NEGR1: variants seen among roughly 807,000 people sequenced by gnomAD.
NEGR1 encodes the protein neuronal growth regulator 1.
In NEGR1, 10 loss-of-function variants were observed where a neutral mutation model predicts 40.9. That is an observed-to-expected ratio of 0.24 (90% CI 0.15 to 0.42). NEGR1 has a LOEUF of 0.42. Ranked by LOEUF, NEGR1 falls within the 10% of genes least tolerant of loss-of-function variation. The probability of loss-of-function intolerance (pLI) is 1.00; values close to 1 mark genes in which losing one functional copy is unlikely to be tolerated. For synonymous variants in NEGR1, 185 were observed against 166.8 expected (o/e 1.11, Z -0.84); for missense variants, 352 against 438.9 (o/e 0.80, Z 1.77).
chr1:71,840,931 C>G (rs1659214396), intron 2 of NEGR1, among the ~76,000 whole-genome samples: 2 of 152,182 alleles, frequency 1.3e-5, no homozygotes, highest in Non-Finnish European at 2.9e-5. Context: ...CAAGAGAGAA[C>G]TCATGGCGAG....
In NEGR1 at chr1:71,464,408, C is replaced by T. The variant is rs994955671; in HGVS notation, c.941-56838G>A. Among the ~76,000 whole-genome samples, 6 of 25,510 alleles carry T rather than the reference C, an allele frequency of 2.4e-4. No homozygotes were observed. In the Admixed American group the frequency reaches 2.5e-3, roughly 11 times the overall value. The allele number at this position is 25,510 out of a possible 152,430, so 16.7% of individuals were successfully genotyped here. ...AAAGTAAAGATAACTAGAGAACATC[C>T]ATCAAATGACAGTTATGAGAAAGAT... On this transcript the variant is annotated intron_variant, in intron 6 of 6. Coordinates refer to ENST00000357731, the MANE Select transcript of NEGR1 (RefSeq NM_173808.3).
At position 71,868,436 on chromosome 1, in the gene NEGR1, A is replaced by AAGATAGATAGATAGAT. The variant is rs59923029; in HGVS notation, c.409+66627_409+66642dup. ...CTTAAATTAAATAGATAGATGATAG[A>AAGATAGATAGATAGAT]AGATAGATAGATAGATAGATAGATA... On this transcript the variant is annotated intron_variant, in intron 2 of 6. Coordinates refer to ENST00000357731, the MANE Select transcript of NEGR1 (RefSeq NM_173808.3). Among the ~76,000 whole-genome samples the AAGATAGATAGATAGAT allele has an allele frequency of 3.6e-3, 540 of 149,890 alleles. 6 individuals are homozygous for AAGATAGATAGATAGAT. The highest frequency in any genetic ancestry group is 0.029 in the South Asian group (137 of 4,666).
At chr1:71,859,736 G>T (rs1659888200) in intron 2 of NEGR1, among the ~76,000 whole-genome samples, 1 of 151,968 alleles carries the variant, frequency 6.6e-6, no homozygotes, top group Non-Finnish European at 1.5e-5. Flanking sequence ...GGGGATGTCA[G>T]CTCCGCTATC....
intron 2 of NEGR1, among the ~76,000 whole-genome samples, chr1:71,826,980 C>T (rs1203661165): frequency 6.6e-6 from 1 of 151,748 alleles, no homozygotes; most frequent in African/African-American, 2.4e-5. Context: ...AAGGTGAAAA[C>T]AACTAGTGTT....
chr1:71,951,734 CA>C (rs1196272280), intron 1 of NEGR1, among the ~76,000 whole-genome samples: 1 of 151,848 alleles, frequency 6.6e-6, no homozygotes, highest in East Asian at 1.9e-4. Flanking sequence ...CTGCTTTTTA[CA>C]AGGTTAAGCT....
intron 4 of NEGR1, among the ~76,000 whole-genome samples, chr1:71,654,140 G>C (rs1410170823): frequency 1.3e-5 from 2 of 152,126 alleles, no homozygotes; most frequent in Non-Finnish European, 2.9e-5. Flanking sequence ...AGAACTTCTG[G>C]AAAAGGATAA....
intron 6 of NEGR1, chr1:71,408,555 T>A (rs1646294891): frequency 1.3e-5 from 2 of 151,992 alleles, no homozygotes; most frequent in Non-Finnish European, 2.9e-5. Flanking sequence ...GGGTTTCACT[T>A]TGTTTATGAA....
intron 2 of NEGR1, among the ~76,000 whole-genome samples, chr1:71,826,756 A>G (rs1271554701): frequency 6.6e-6 from 1 of 151,960 alleles, no homozygotes; most frequent in Non-Finnish European, 1.5e-5. Context: ...TTAAATTTTC[A>G]CTTACTGACA....
intron 2 of NEGR1, among the ~76,000 whole-genome samples, chr1:71,920,157 G>T (rs1003129939): frequency 1.3e-5 from 2 of 152,146 alleles, no homozygotes; most frequent in African/African-American, 4.8e-5. Context: ...CTGTACATTT[G>T]AGTATCTCTT....
chr1:72,096,716 C>A (rs1648713511), intron 1 of NEGR1, among the ~76,000 whole-genome samples: 1 of 151,846 alleles, frequency 6.6e-6, no homozygotes, highest in African/African-American at 2.4e-5. Context: ...GGCTGGAGTG[C>A]AGTGGTGCGA....
intron 1 of NEGR1, among the ~76,000 whole-genome samples, chr1:72,050,271 GCTCA>G (rs1434777419): frequency 6.6e-6 from 1 of 151,432 alleles, no homozygotes; most frequent in African/African-American, 2.4e-5. Context: ...ATAGTTATAT[GCTCA>G]CTGTTATTGA....
At chr1:72,120,613 A>T (rs1222886499) in intron 1 of NEGR1, among the ~76,000 whole-genome samples, 2 of 151,712 alleles carry the variant, frequency 1.3e-5, no homozygotes, top group Non-Finnish European at 2.9e-5. Context: ...GCACCCACTA[A>T]CTCGTCATCT....
At chr1:71,654,104 A>G (rs1434675208) in intron 4 of NEGR1, among the ~76,000 whole-genome samples, 1 of 152,164 alleles carries the variant, frequency 6.6e-6, no homozygotes, top group Non-Finnish European at 1.5e-5. Flanking sequence ...AAGGCTACAT[A>G]CTGTTATGAT....
intron 6 of NEGR1, among the ~76,000 whole-genome samples, chr1:71,506,175 A>G (rs1393797410): frequency 6.6e-6 from 1 of 152,168 alleles, no homozygotes; most frequent in Non-Finnish European, 1.5e-5. Flanking sequence ...TCAAATTACT[A>G]AAAAAGGAAC....
intron 2 of NEGR1, among the ~76,000 whole-genome samples, chr1:71,865,410 A>G (rs2101827384): frequency 6.6e-6 from 1 of 151,640 alleles, no homozygotes; most frequent in South Asian, 2.1e-4. Context: ...CAGTCATAAA[A>G]AAGGATGAGT....
chr1:71,751,469 T>C (rs1201145026), intron 3 of NEGR1, among the ~76,000 whole-genome samples: 2 of 152,192 alleles, frequency 1.3e-5, no homozygotes, highest in East Asian at 1.9e-4. Flanking sequence ...CCAATACTAT[T>C]AAATCACACA....
chr1:71,463,456 T>A (rs1646726720), intron 6 of NEGR1: 1 of 152,172 alleles, frequency 6.6e-6, no homozygotes, highest in Non-Finnish European at 1.5e-5. Flanking sequence ...TTTATGATTC[T>A]CCAAGTTCTC....
intron 1 of NEGR1, among the ~76,000 whole-genome samples, chr1:71,980,723 A>C (rs1557466779): frequency 6.6e-6 from 1 of 152,126 alleles, no homozygotes; most frequent in East Asian, 1.9e-4. Flanking sequence ...TATTATGATC[A>C]CATATTATCA....
intron 3 of NEGR1, among the ~76,000 whole-genome samples, chr1:71,715,289 T>C (rs116362339): frequency 6.6e-6 from 1 of 152,190 alleles, no homozygotes; most frequent in African/African-American, 2.4e-5. Context: ...CTTAGGCCTC[T>C]GGGCCTGTGA....
Sources: allele counts gnomAD v4.1 joint callset (sites outside exome capture counted in the v4.1 genomes callset), GRCh38; gene constraint gnomAD v4.1.1; transcripts MANE v1.5; gene names NCBI Gene and HGNC (gene_info 2026-07-23, HGNC 2026-07-21).